ME3: variants seen among roughly 807,000 people sequenced by gnomAD.
The protein encoded by ME3 is NADP-dependent malic enzyme, mitochondrial.
A neutral mutation model predicts 68.9 loss-of-function variants in ME3; 48 were observed. That is an observed-to-expected ratio of 0.70 (90% CI 0.55 to 0.89). ME3 has a LOEUF of 0.89. Among genes scored for constraint, ME3 ranks in the 40% least tolerant of loss-of-function variants. The probability of loss-of-function intolerance (pLI) is 0.00; values close to 1 mark genes in which losing one functional copy is unlikely to be tolerated. For missense variants in ME3, 675 were observed against 797.4 expected (o/e 0.85, Z 1.85); for synonymous variants, 320 against 318.8 (o/e 1.00, Z -0.04).
intron 6 of ME3, among the ~76,000 whole-genome samples, chr11:86,491,469 A>G (rs1406806048): frequency 6.6e-6 from 1 of 152,196 alleles, no homozygotes; most frequent in Non-Finnish European, 1.5e-5. Flanking sequence ...GAATGAGTTC[A>G]GAGGAAAGGC....
At chr11:86,468,268 G>A (rs1323025389) in intron 7 of ME3, among the ~76,000 whole-genome samples, 1 of 152,002 alleles carries the variant, frequency 6.6e-6, no homozygotes, top group Non-Finnish European at 1.5e-5. Context: ...GTTACTTCAT[G>A]GTGCTACTAT....
At chr11:86,572,144 A>C (rs961584435) in intron 2 of ME3, among the ~76,000 whole-genome samples, 3 of 152,220 alleles carry the variant, frequency 2.0e-5, no homozygotes, top group African/African-American at 7.2e-5. Context: ...TATATACTGG[A>C]AACAACTAGC....
At chr11:86,564,417 CT>C (rs201493163) in intron 2 of ME3, among the ~76,000 whole-genome samples, 5 of 138,754 alleles carry the variant, frequency 3.6e-5, no homozygotes, top group Admixed American at 1.5e-4. Flanking sequence ...CAGCCAAAAT[CT>C]TTTTTTTTAA....
intron 7 of ME3, among the ~76,000 whole-genome samples, chr11:86,476,028 C>A (rs2511083): frequency 0.34 from 51,905 of 151,786 alleles, 9,041 homozygotes; most frequent in African/African-American, 0.35. Flanking sequence ...TTAAAATTAA[C>A]ATAAAATCCT....
Position 86,556,713 on chromosome 11 carries a change from G to A in ME3, c.318-11C>T. On this transcript the variant is annotated splice_polypyrimidine_tract_variant and intron_variant, in intron 3 of 14. Transcript: ENST00000543262. ...ATGAGAATGATGTACCTTGTAAAAG[G>A]AGAGAAAAAGCAAGCTGACATGTGG... 1 of 1,613,296 alleles carries A rather than the reference G, an allele frequency of 6.2e-7. No homozygotes were observed. Among genetic ancestry groups the A allele is most frequent in the East Asian group, 2.2e-5 (1 of 44,874 alleles).
chr11:86,626,000 C>A (rs1240108934), intron 2 of ME3, among the ~76,000 whole-genome samples: 1 of 152,094 alleles, frequency 6.6e-6, no homozygotes, highest in Non-Finnish European at 1.5e-5. Context: ...AAGTATTCAT[C>A]CATATTTTCA....
intron 4 of ME3, among the ~76,000 whole-genome samples, chr11:86,512,342 G>T (rs1953593156): frequency 6.6e-6 from 1 of 152,164 alleles, no homozygotes; most frequent in African/African-American, 2.4e-5. Flanking sequence ...ACATTTATTT[G>T]TGTGGCTATT....
intron 14 of ME3, 27 bp downstream of exon 14, chr11:86,442,794 A>T: frequency 1.9e-6 from 3 of 1,552,476 alleles, no homozygotes; most frequent in Non-Finnish European, 2.7e-6. Context: ...CTCACTACCC[A>T]TATTACAGGG....
chr11:86,657,126 T>C (rs768067424), intron 2 of ME3, among the ~76,000 whole-genome samples: 34 of 152,176 alleles, frequency 2.2e-4, no homozygotes, highest in Middle Eastern at 3.2e-3. Flanking sequence ...GGGTATATAC[T>C]CAAAGGATTA....
chr11:86,499,430 C>G (rs1236473932), intron 5 of ME3, among the ~76,000 whole-genome samples: 1 of 152,170 alleles, frequency 6.6e-6, no homozygotes, highest in Non-Finnish European at 1.5e-5. Flanking sequence ...TCATTGGAAC[C>G]TGGCTTTGGA....
chr11:86,552,814 C>T (rs527359976), intron 4 of ME3, among the ~76,000 whole-genome samples: 1 of 152,260 alleles, frequency 6.6e-6, no homozygotes, highest in East Asian at 1.9e-4. Context: ...CGGGTTGGAC[C>T]CTACACCAAA....
chr11:86,518,351 T>C (rs577959043), intron 4 of ME3, among the ~76,000 whole-genome samples: 1 of 152,228 alleles, frequency 6.6e-6, no homozygotes, highest in South Asian at 2.1e-4. Flanking sequence ...GACTTGGAAA[T>C]GGAGGCTGCG....
chr11:86,472,709 G>A (rs1263180234), intron 7 of ME3, among the ~76,000 whole-genome samples: 1 of 152,140 alleles, frequency 6.6e-6, no homozygotes, highest in Non-Finnish European at 1.5e-5. Flanking sequence ...GTCCTGTTGT[G>A]CAAATTAGAT....
At chr11:86,537,329 T>A (rs1476244065) in intron 4 of ME3, among the ~76,000 whole-genome samples, 1 of 151,090 alleles carries the variant, frequency 6.6e-6, no homozygotes, top group African/African-American at 2.4e-5. Flanking sequence ...TAATATTATA[T>A]ATAATATTAA....
chr11:86,624,207 C>T (rs1398824488), intron 2 of ME3, among the ~76,000 whole-genome samples: 2 of 152,170 alleles, frequency 1.3e-5, no homozygotes, highest in African/African-American at 4.8e-5. Flanking sequence ...GGCTTCTCAG[C>T]CCCTAGTTCA....
At chr11:86,527,014 A>G (rs1954808098) in intron 4 of ME3, among the ~76,000 whole-genome samples, 1 of 152,266 alleles carries the variant, frequency 6.6e-6, no homozygotes. Flanking sequence ...AGCTGGACAG[A>G]GAATGACTTT....
chr11:86,577,126 T>C (rs572763589), intron 2 of ME3, among the ~76,000 whole-genome samples: 1 of 152,252 alleles, frequency 6.6e-6, no homozygotes, highest in African/African-American at 2.4e-5. Flanking sequence ...TCACCTTCAA[T>C]GGACACAACT....
chr11:86,599,267 A>G (rs1382038229), intron 2 of ME3, among the ~76,000 whole-genome samples: 1 of 152,202 alleles, frequency 6.6e-6, no homozygotes, highest in African/African-American at 2.4e-5. Flanking sequence ...GGAGCTGATG[A>G]AGCTGAAAGC....
rs74523358 is a variant in ME3, at chr11:86,630,771, C to G, written c.183+40991G>C. On this transcript the variant is annotated intron_variant, in intron 2 of 14. Coordinates refer to ENST00000543262, the Ensembl canonical transcript of ME3. ...ACCATGTTACTAAGTGTGAGTAGAA[C>G]ATTAGAAACCCGAGTCAGGACTTTC... Among the ~76,000 whole-genome samples the G allele has an allele frequency of 8.4e-3, 1,282 of 152,344 alleles. 12 individuals are homozygous for G. Among genetic ancestry groups the G allele is most frequent in the Non-Finnish European group, 0.015 (1,010 of 68,036 alleles).
Sources: gnomAD v4.1 joint callset for allele counts (sites outside exome capture counted in the v4.1 genomes callset) on GRCh38, gnomAD v4.1.1 for gene constraint, MANE v1.5 for transcripts, NCBI Gene and HGNC (gene_info 2026-07-23, HGNC 2026-07-21) for gene names.